Variants in DMXL1 observed in about 807,000 individuals in gnomAD.
DMXL1 encodes dmX-like protein 1.
In DMXL1, 99 loss-of-function variants were observed where a neutral mutation model predicts 319.2. The observed-to-expected ratio is 0.31, with a 90% CI of 0.26 to 0.37. DMXL1 has a LOEUF of 0.37. Ranked by LOEUF, DMXL1 falls within the 10% of genes least tolerant of loss-of-function variation. DMXL1 has a pLI of 1.00. For missense variants in DMXL1, 3,745 were observed against 3,595.6 expected (o/e 1.04, Z -1.06); for synonymous variants, 1,385 against 1,235.2 (o/e 1.12, Z -2.54).
chr5:119,226,953 G>GTGT (rs1785692024), intron 38 of DMXL1, among the ~76,000 whole-genome samples: 1 of 152,186 alleles, frequency 6.6e-6, no homozygotes, highest in African/African-American at 2.4e-5. Flanking sequence ...GCACATGGAT[G>GTGT]TGTTCACCAG....
intron 19 of DMXL1, among the ~76,000 whole-genome samples, chr5:119,153,864 A>T (rs1317411132): frequency 6.6e-6 from 1 of 152,234 alleles, no homozygotes; most frequent in Non-Finnish European, 1.5e-5. Flanking sequence ...GCTTTGTGGC[A>T]ACCGTTTGTT....
chr5:119,092,951 A>G (rs1167033905), intron 1 of DMXL1, among the ~76,000 whole-genome samples: 3 of 152,200 alleles, frequency 2.0e-5, no homozygotes, highest in Admixed American at 2.0e-4. Context: ...TAATGCTGGT[A>G]TGAACATTGA....
rs1171326757 is a variant in DMXL1, at chr5:119,248,587, TAATAA to T, written c.*1373_*1377del. The T allele has an allele frequency of 6.6e-6, 1 of 152,452 alleles. No individual in the cohort carries two copies. The highest frequency in any genetic ancestry group is 1.5e-5 in the Non-Finnish European group (1 of 67,918). The allele number at this position is 152,452 out of a possible 1,614,324, so 9.4% of individuals were successfully genotyped here. ...AAATATATAATAATAGCATTTTATG[TAATAA>T]AATATGGGCAACGATTATCTTGGAA... On this transcript the variant is annotated 3_prime_UTR_variant, in exon 44 of 44. Transcript: ENST00000539542.
At chr5:119,221,421 G>T (rs951284178) in intron 37 of DMXL1, among the ~76,000 whole-genome samples, 3 of 152,086 alleles carry the variant, frequency 2.0e-5, no homozygotes, top group Non-Finnish European at 4.4e-5. Flanking sequence ...GCTAAGAATG[G>T]TGTATACATT....
At chr5:119,195,966 A>C (rs544431051) in intron 30 of DMXL1, among the ~76,000 whole-genome samples, 1 of 152,222 alleles carries the variant, frequency 6.6e-6, no homozygotes, top group Admixed American at 6.5e-5. Flanking sequence ...AAATAAGCAA[A>C]AGCATCTATC....
intron 38 of DMXL1, among the ~76,000 whole-genome samples, 169 bp downstream of exon 38, chr5:119,224,938 G>A (rs756123624): frequency 1.5e-4 from 23 of 151,810 alleles, no homozygotes; most frequent in Admixed American, 3.9e-4. Context: ...TCAAAACTGG[G>A]TAAAAATAGA....
At chr5:119,182,551 C>G (rs1776964522) in intron 28 of DMXL1, among the ~76,000 whole-genome samples, 1 of 151,994 alleles carries the variant, frequency 6.6e-6, no homozygotes, top group Admixed American at 6.6e-5. Flanking sequence ...GCCTCATGAA[C>G]TAGATTATAT....
At position 119,071,436 on chromosome 5, in the gene DMXL1, C is replaced by T. The variant is rs7444127; in HGVS notation, c.-134C>T. ...GGGCCCCAGCTGAGCGGCTCCGGCT[C>T]CAGGCGCCTGTCGCTGCTTCTGCCG... is the stretch of plus-strand genomic sequence containing the variant. On this transcript the variant is annotated 5_prime_UTR_variant, in exon 1 of 44. Coordinates refer to ENST00000539542, the MANE Select transcript of DMXL1 (RefSeq NM_001290321.3). The T allele has an allele frequency of 8.0e-6, 7 of 878,172 alleles. No homozygotes were observed. The highest frequency in any genetic ancestry group is 1.5e-5 in the South Asian group (1 of 67,318). 54.4% of individuals were successfully genotyped at this position (878,172 alleles called of 1,614,324 possible).
chr5:119,164,680 A>G lies in DMXL1; in HGVS notation c.4872+4A>G. 6.3e-7 allele frequency: 1 copy of G among 1,588,884 alleles called. No individual in the cohort carries two copies. Among genetic ancestry groups the G allele is most frequent in the Non-Finnish European group, 8.6e-7 (1 of 1,163,544 alleles). ...CTTACGCAAATGCATAGAAAAAGTA[A>G]GTGTTTTATTTTGGTGTATAAGTGA... On this transcript the variant is annotated splice_donor_region_variant and intron_variant, in intron 20 of 43. Transcript: ENST00000539542.
chr5:119,246,870 T>C (rs1461549660), intron 43 of DMXL1, 125 bp from the exon 44 acceptor site: 2 of 617,282 alleles, frequency 3.2e-6, no homozygotes, highest in Non-Finnish European at 5.7e-6. Flanking sequence ...TTACCTTAGG[T>C]GGTCTGCCTG....
chr5:119,142,517 T>TAAAAAAAAAAA (rs148846123), intron 13 of DMXL1, among the ~76,000 whole-genome samples: 2 of 62,308 alleles, frequency 3.2e-5, no homozygotes, highest in Non-Finnish European at 3.7e-5. Flanking sequence ...TATTAAAAAG[T>TAAAAAAAAAAA]AAAAAAAAAA....
In DMXL1 at chr5:119,071,336, A is replaced by G; in HGVS notation, c.-234A>G. 1 of 524,670 alleles carries G rather than the reference A, an allele frequency of 1.9e-6. No individual in the cohort carries two copies. Among genetic ancestry groups the G allele is most frequent in the Admixed American group, 3.7e-5 (1 of 26,840 alleles). 32.5% of individuals were successfully genotyped at this position (524,670 alleles called of 1,614,324 possible). On this transcript the variant is annotated 5_prime_UTR_variant, in exon 1 of 44. Transcript: ENST00000539542. ...TAGCGCGGGGAGTGACAGGTGCGCGAAGGAGCGCGGCGCTCCGCCCTCTCG... is the reference window on the plus strand; with the variant it reads ...TAGCGCGGGGAGTGACAGGTGCGCGGAGGAGCGCGGCGCTCCGCCCTCTCG...
chr5:119,218,647 G>A (rs968960666), intron 35 of DMXL1, among the ~76,000 whole-genome samples: 1 of 151,980 alleles, frequency 6.6e-6, no homozygotes, highest in African/African-American at 2.4e-5. Flanking sequence ...AGTAGAGACG[G>A]CGTTTCACCA....
At chr5:119,209,787 C>CT (rs1363971858) in intron 34 of DMXL1, among the ~76,000 whole-genome samples, 1 of 152,140 alleles carries the variant, frequency 6.6e-6, no homozygotes, top group Non-Finnish European at 1.5e-5. Context: ...ATTTGTCTAT[C>CT]TTTCTGCATG....
At chr5:119,176,636 A>G (rs1169941167) in intron 26 of DMXL1, among the ~76,000 whole-genome samples, 1 of 152,054 alleles carries the variant, frequency 6.6e-6, no homozygotes, top group African/African-American at 2.4e-5. Flanking sequence ...ATCATAACAC[A>G]TTTACACCAA....
At chr5:119,151,173 A>G (rs1474620832) in intron 18 of DMXL1, among the ~76,000 whole-genome samples, 1 of 152,080 alleles carries the variant, frequency 6.6e-6, no homozygotes, top group Non-Finnish European at 1.5e-5. Flanking sequence ...GCATTAATGT[A>G]TGCTCCTACC....
chr5:119,181,634 C>G (rs952482040), intron 28 of DMXL1, among the ~76,000 whole-genome samples: 6 of 152,076 alleles, frequency 3.9e-5, no homozygotes, highest in African/African-American at 1.4e-4. Flanking sequence ...CCAGCCTGGC[C>G]AACAAGTGAA....
At chr5:119,107,787 C>CT (rs1444520100) in intron 4 of DMXL1, among the ~76,000 whole-genome samples, 17 of 151,772 alleles carry the variant, frequency 1.1e-4, no homozygotes, top group Non-Finnish European at 2.4e-4. Flanking sequence ...ACTTCTTGTG[C>CT]TTTTTTTTGG....
chr5:119,130,936 C>T (rs1001228673), intron 10 of DMXL1, among the ~76,000 whole-genome samples: 2 of 151,744 alleles, frequency 1.3e-5, no homozygotes, highest in Admixed American at 6.6e-5. Flanking sequence ...CCAGTTTATA[C>T]TTCCTCTAAG....
Sources: gnomAD v4.1 joint callset for allele counts (sites outside exome capture counted in the v4.1 genomes callset) on GRCh38, gnomAD v4.1.1 for gene constraint, MANE v1.5 for transcripts, NCBI Gene and HGNC (gene_info 2026-07-23, HGNC 2026-07-21) for gene names.